Variants in CR1L observed in about 807,000 individuals in gnomAD.
CR1L encodes complement component receptor 1-like protein.
CR1L carries 59 observed loss-of-function variants against 62.3 expected under a neutral mutation model. The observed-to-expected ratio is 0.95, with a 90% CI of 0.77 to 1.18. The LOEUF (loss-of-function observed/expected upper bound fraction) is 1.18. Among genes scored for constraint, CR1L ranks in the 50% most tolerant of loss-of-function variants. CR1L has a pLI of 0.00. For missense variants in CR1L, 700 were observed against 702.8 expected (o/e 1.00, Z 0.04); for synonymous variants, 279 against 248.7 (o/e 1.12, Z -1.15).
chr1:207,703,174 T>A (rs1664218426), intron 9 of CR1L, among the ~76,000 whole-genome samples: 1 of 152,208 alleles, frequency 6.6e-6, no homozygotes, highest in African/African-American at 2.4e-5. Flanking sequence ...AGATCATTGA[T>A]GAAGGTGTTA....
At chr1:207,655,338 T>C (rs940950221) in intron 1 of CR1L, 10 of 428,328 alleles carry the variant, frequency 2.3e-5, no homozygotes, top group Non-Finnish European at 4.4e-5. Flanking sequence ...ATTTTTTGCC[T>C]CAGGGCACCT....
intron 5 of CR1L, among the ~76,000 whole-genome samples, chr1:207,697,270 A>G (rs1396722888): frequency 1.3e-5 from 2 of 152,220 alleles, no homozygotes; most frequent in Non-Finnish European, 2.9e-5. Context: ...ATGTAAAACA[A>G]TGAATTGGGG....
chr1:207,697,478 C>T (rs775038264), intron 5 of CR1L, 25 bp from the exon 6 acceptor site: 16 of 1,613,654 alleles, frequency 9.9e-6, no homozygotes, highest in Non-Finnish European at 1.4e-5. Flanking sequence ...ACACAATTAG[C>T]AGTACTTTGT....
chr1:207,678,908 C>CTCTG (rs1287542413), intron 3 of CR1L, among the ~76,000 whole-genome samples: 1 of 152,066 alleles, frequency 6.6e-6, no homozygotes, highest in Non-Finnish European at 1.5e-5. Flanking sequence ...CAGTTTCTGT[C>CTCTG]TCTGTCTGTC....
At position 207,694,591 on chromosome 1, in the gene CR1L, T is replaced by C. The variant is rs1217120336; in HGVS notation, c.702T>C (p.Asn234=). 6.2e-7 allele frequency: 1 copy of C among 1,611,988 alleles called. No homozygotes were observed. Among genetic ancestry groups the C allele is most frequent in the Non-Finnish European group, 8.5e-7 (1 of 1,179,730 alleles). ...CIIPNKCTPP[N]VENGILVSDN... is the part of the protein sequence containing the mutation. ...TACCTAACAAATGCACGCCTCCAAA[T>C]GTGGAAAATGGAATATTGGTATCTG... Residue 234 remains asparagine (N), a synonymous_variant, in exon 5 of 12, where the codon AAT becomes AAC. Coordinates refer to ENST00000508064, the MANE Select transcript of CR1L (RefSeq NM_175710.2).
chr1:207,694,428 G>A lies in CR1L; in HGVS notation c.539G>A (p.Gly180Glu). The A allele has an allele frequency of 6.2e-7, 1 of 1,613,936 alleles. No individual in the cohort carries two copies. Among genetic ancestry groups the A allele is most frequent in the Non-Finnish European group, 8.5e-7 (1 of 1,179,868 alleles). The change falls in exon 5 of 12, where the codon GGA (glycine) becomes GAA (glutamate). Residue 180 changes from glycine (G) to glutamate (E), a missense_variant. Gly to Glu is a moderately conservative substitution (Grantham distance 98). Coordinates refer to ENST00000508064, the MANE Select transcript of CR1L (RefSeq NM_175710.2). Reference sequence around the variant, plus strand: ...ATCAGCAGAGAGTATTTTCACTATGGATCAGTGGTGACCTACCACTGCAAT... The same window carrying A: ...ATCAGCAGAGAGTATTTTCACTATGAATCAGTGGTGACCTACCACTGCAAT... ...TSISREYFHY[G>E]SVVTYHCNLG...
At chr1:207,677,886 C>T (rs1663723315) in intron 2 of CR1L, among the ~76,000 whole-genome samples, 1 of 152,198 alleles carries the variant, frequency 6.6e-6, no homozygotes, top group African/African-American at 2.4e-5. Flanking sequence ...GATTAAATAA[C>T]TAAAAGATGC....
chr1:207,694,727 C>G lies in CR1L; in HGVS notation c.838C>G (p.Pro280Ala). The change falls in exon 5 of 12, where the codon CCA becomes GCA. Residue 280 changes from proline (P) to alanine (A), a missense_variant. Coordinates refer to ENST00000508064, the MANE Select transcript of CR1L (RefSeq NM_175710.2). ...VKCQALNKWE[P>A]ELPSCSRVCQ... ...GTGCCAGGCCCTGAACAAATGGGAG[C>G]CAGAGTTACCAAGCTGCTCCAGGGG... 1 of 1,611,892 alleles carries G rather than the reference C, an allele frequency of 6.2e-7. No individual in the cohort carries two copies. The highest frequency in any genetic ancestry group is 8.5e-7 in the Non-Finnish European group (1 of 1,179,734).
intron 1 of CR1L, among the ~76,000 whole-genome samples, chr1:207,646,014 TG>T (rs1663119200): frequency 2.0e-5 from 3 of 151,834 alleles, no homozygotes; most frequent in South Asian, 4.2e-4. Flanking sequence ...TCTCAGTGCC[TG>T]GGGTTAGAGA....
rs1664132200 is a variant in CR1L, at chr1:207,697,951, G to A, written c.1142+78G>A. Reference sequence around the variant, plus strand: ...AGTCCAAAAAGGGGAGATTTGATGTGGCTTAAAAAAAGACAGACAGACAGA... The same window carrying A: ...AGTCCAAAAAGGGGAGATTTGATGTAGCTTAAAAAAAGACAGACAGACAGA... On this transcript the variant is annotated intron_variant, in intron 7 of 11. Coordinates refer to ENST00000508064, the MANE Select transcript of CR1L (RefSeq NM_175710.2). The A allele has an allele frequency of 1.3e-5, 20 of 1,596,636 alleles. No individual in the cohort carries two copies. The South Asian group carries it at 1.7e-4, about 13-fold the overall frequency.
intron 4 of CR1L, among the ~76,000 whole-genome samples, chr1:207,687,488 C>CA (rs1432099487): frequency 1.3e-5 from 2 of 152,184 alleles, no homozygotes; most frequent in Admixed American, 1.3e-4. Flanking sequence ...ATCAGCACCC[C>CA]AGAAGCCTTC....
chr1:207,670,455 G>A (rs772859410), intron 1 of CR1L, among the ~76,000 whole-genome samples: 1 of 150,880 alleles, frequency 6.6e-6, no homozygotes, highest in Admixed American at 6.6e-5. Flanking sequence ...CTTCAAGTAG[G>A]TAAACATCTT....
intron 3 of CR1L, among the ~76,000 whole-genome samples, chr1:207,680,979 T>C (rs1663786237): frequency 6.6e-6 from 1 of 152,212 alleles, no homozygotes; most frequent in African/African-American, 2.4e-5. Flanking sequence ...TCATTTGGAG[T>C]TGGTGTCTTC....
At chr1:207,677,282 T>C in intron 1 of CR1L, 107 bp from the exon 2 acceptor site, 3 of 1,113,286 alleles carry the variant, frequency 2.7e-6, no homozygotes, top group Non-Finnish European at 1.2e-6. Flanking sequence ...CACTCCAGCC[T>C]GGGTGACAGA....
intron 11 of CR1L, among the ~76,000 whole-genome samples, chr1:207,723,186 C>T (rs1194775524): frequency 6.6e-6 from 1 of 152,106 alleles, no homozygotes; most frequent in African/African-American, 2.4e-5. Flanking sequence ...ATTCCCAGCA[C>T]TTTGGGAGGC....
chr1:207,655,534 A>T (rs1295273935), intron 1 of CR1L, among the ~76,000 whole-genome samples: 9 of 152,164 alleles, frequency 5.9e-5, no homozygotes, highest in African/African-American at 2.4e-5. Context: ...GCACAGTGGC[A>T]CAATCTCAGG....
chr1:207,702,970 G>T (rs1272138684), intron 9 of CR1L, among the ~76,000 whole-genome samples: 1 of 152,184 alleles, frequency 6.6e-6, no homozygotes, highest in African/African-American at 2.4e-5. Flanking sequence ...TGTAGTTCCA[G>T]CTACTCGGGA....
intron 3 of CR1L, among the ~76,000 whole-genome samples, chr1:207,682,904 A>G (rs1403798900): frequency 6.6e-6 from 1 of 152,174 alleles, no homozygotes; most frequent in African/African-American, 2.4e-5. Flanking sequence ...AGTATAAAAT[A>G]AGTGTTCAGT....
intron 3 of CR1L, among the ~76,000 whole-genome samples, chr1:207,680,473 A>G (rs1663777931): frequency 6.6e-6 from 1 of 152,150 alleles, no homozygotes; most frequent in South Asian, 2.1e-4. Flanking sequence ...AAATTGAGTA[A>G]AGTGTACCTG....
Sources: allele counts gnomAD v4.1 joint callset (sites outside exome capture counted in the v4.1 genomes callset), GRCh38; gene constraint gnomAD v4.1.1; transcripts MANE v1.5; gene names NCBI Gene and HGNC (gene_info 2026-07-23, HGNC 2026-07-21).